FDFT1: variants seen among roughly 807,000 people sequenced by gnomAD.
FDFT1 encodes the protein squalene synthase.
FDFT1 carries 68 observed loss-of-function variants against 46.8 expected under a neutral mutation model. That is an observed-to-expected ratio of 1.45 (90% CI 1.19 to 1.78). The LOEUF (loss-of-function observed/expected upper bound fraction) is 1.78, where lower values mean the gene tolerates loss of function less well. Ranked by LOEUF, FDFT1 falls within the 40% of genes most tolerant of loss-of-function variation. The pLI, the probability that FDFT1 is intolerant of heterozygous loss-of-function variation, is 0.00. For missense variants in FDFT1, 928 were observed against 524.4 expected (o/e 1.77, Z -7.52); for synonymous variants, 351 against 185.1 (o/e 1.90, Z -7.28).
chr8:11,829,966 C>A (rs866130168), intron 5 of FDFT1, among the ~76,000 whole-genome samples: 1 of 151,914 alleles, frequency 6.6e-6, no homozygotes, highest in South Asian at 2.1e-4. Context: ...TTCTGTCTCA[C>A]CCTCCTGAGT....
chr8:11,838,634 TCCA>T lies in FDFT1; in HGVS notation c.*29_*31del. The T allele has an allele frequency of 6.5e-7, 1 of 1,549,400 alleles. No homozygotes were observed. The highest frequency in any genetic ancestry group is 1.1e-5 in the South Asian group (1 of 89,760). Reference sequence around the variant, plus strand: ...ATCCCAAATTTGTCCATAGCTGAAGTCCACCATAAAGTGGATTTACTTTTTTTC... The same window carrying T: ...ATCCCAAATTTGTCCATAGCTGAAGTCCATAAAGTGGATTTACTTTTTTTC... On this transcript the variant is annotated 3_prime_UTR_variant, in exon 8 of 8. Coordinates refer to ENST00000220584, the MANE Select transcript of FDFT1 (RefSeq NM_004462.5).
intron 3 of FDFT1, among the ~76,000 whole-genome samples, chr8:11,810,844 T>C (rs946680847): frequency 1.3e-5 from 2 of 149,510 alleles, no homozygotes; most frequent in Non-Finnish European, 3.0e-5. Context: ...ACCTAATCTG[T>C]AGCTGAGTTG....
intron 1 of FDFT1, among the ~76,000 whole-genome samples, chr8:11,804,919 T>TC (rs1806629376): frequency 2.5e-5 from 2 of 79,606 alleles, no homozygotes; most frequent in Non-Finnish European, 6.0e-5. Flanking sequence ...TTTTTTTTTT[T>TC]TTTTTTGAGG....
At chr8:11,808,746 TCC>T (rs1807265460) in intron 1 of FDFT1, 46 bp from the exon 2 acceptor site, 35 of 1,594,638 alleles carry the variant, frequency 2.2e-5, no homozygotes, top group Non-Finnish European at 2.7e-5. Context: ...CCACTCCCAC[TCC>T]TGCTCCTCGA....
chr8:11,820,952 A>T (rs1809153034), intron 3 of FDFT1, among the ~76,000 whole-genome samples: 1 of 152,174 alleles, frequency 6.6e-6, no homozygotes, highest in Non-Finnish European at 1.5e-5. Flanking sequence ...TTCTGCATCG[A>T]TCTTGCTGGG....
chr8:11,817,820 T>G (rs1808669917), intron 3 of FDFT1, among the ~76,000 whole-genome samples: 1 of 116,066 alleles, frequency 8.6e-6, no homozygotes, highest in African/African-American at 4.0e-5. Flanking sequence ...CTGGATTCAT[T>G]AATTTTTTTT....
At chr8:11,832,576 A>AAAAAAAAAAAAAAAAAAAT (rs139242873) in intron 7 of FDFT1, among the ~76,000 whole-genome samples, 45 of 134,888 alleles carry the variant, frequency 3.3e-4, no homozygotes, top group Non-Finnish European at 4.6e-4. Flanking sequence ...AAAAAAAAAA[A>AAAAAAAAAAAAAAAAAAAT]GTCTTAGAGA....
chr8:11,812,854 T>A (rs1585897874), intron 3 of FDFT1, among the ~76,000 whole-genome samples: 1 of 152,232 alleles, frequency 6.6e-6, no homozygotes, highest in Non-Finnish European at 1.5e-5. Context: ...TCTAGAAATC[T>A]CATTGTATGT....
chr8:11,831,571 A>C lies in FDFT1; in HGVS notation c.933A>C (p.Lys311Asn). Residue 311 changes from lysine (K) to asparagine (N), a missense_variant, in exon 7 of 8, where the codon AAA becomes AAC. Physicochemically the swap from Lys to Asn is moderately conservative, Grantham distance 94. Transcript: ENST00000220584. ...GTTATAATAACCAGCAGGTGTTCAA[A>C]GGGGCAGTGAAGATTCGGAAAGGGC... ...AACYNNQQVF[K>N]GAVKIRKGQA... 3.7e-6 allele frequency: 6 copies of C among 1,614,184 alleles called. No homozygotes were observed. The highest frequency in any genetic ancestry group is 5.1e-6 in the Non-Finnish European group (6 of 1,179,966).
intron 3 of FDFT1, among the ~76,000 whole-genome samples, chr8:11,814,302 T>G (rs1421075608): frequency 1.4e-5 from 2 of 144,742 alleles, no homozygotes; most frequent in East Asian, 1.9e-4. Context: ...TTTTATAGGT[T>G]TTTTTTTTTT....
chr8:11,808,794 G>T lies in FDFT1; in HGVS notation c.100G>T (p.Asp34Tyr), dbSNP rs1388946948. The part of the protein sequence containing the change: ...KRKVMPKMDQ[D>Y]SLSSSLKTCY... ...CGCCGTGTGTGTTGTCTGCCCGCAG[G>T]ACTCGCTCAGCAGCAGCCTGAAAAC... The change falls in exon 2 of 8, where the codon GAC (aspartate) becomes TAC (tyrosine). Residue 34 changes from aspartate (D) to tyrosine (Y), a missense_variant and splice_region_variant. Transcript: ENST00000220584. 6.2e-7 allele frequency: 1 copy of T among 1,612,950 alleles called. No homozygotes were observed. Among genetic ancestry groups the T allele is most frequent in the South Asian group, 1.1e-5 (1 of 90,532 alleles).
At chr8:11,822,968 T>C (rs1563324612) in intron 4 of FDFT1, among the ~76,000 whole-genome samples, 1 of 152,188 alleles carries the variant, frequency 6.6e-6, no homozygotes, top group Non-Finnish European at 1.5e-5. Flanking sequence ...TAAAAAAAAT[T>C]TTTTTTGAGA....
intron 5 of FDFT1, among the ~76,000 whole-genome samples, chr8:11,828,106 G>A (rs1360298246): frequency 1.3e-5 from 2 of 151,828 alleles, no homozygotes; most frequent in African/African-American, 4.8e-5. Context: ...GGAGGCTGAT[G>A]TGAGACTCCA....
intron 3 of FDFT1, among the ~76,000 whole-genome samples, chr8:11,815,302 C>G (rs1462084630): frequency 2.6e-5 from 4 of 152,118 alleles, no homozygotes; most frequent in African/African-American, 9.7e-5. Context: ...CAGGTCTTTG[C>G]TATTGTGAAT....
At chr8:11,797,271 C>T (rs998802512), upstream of FDFT1, among the ~76,000 whole-genome samples, 11 of 152,114 alleles carry the variant, frequency 7.2e-5, no homozygotes, top group Admixed American at 3.3e-4. Context: ...CCTGCAGCAG[C>T]GGTTGTTTAA....
rs368746697 is a variant in FDFT1, at chr8:11,826,021, C to T, written c.511-3C>T. On this transcript the variant is annotated splice_region_variant and splice_polypyrimidine_tract_variant and intron_variant, in intron 4 of 7. Coordinates refer to ENST00000220584, the MANE Select transcript of FDFT1 (RefSeq NM_004462.5). ...AAAGTGCTTTAAAAATCGTCTCTTA[C>T]AGTACTGCCACTATGTTGCTGGGCT... The T allele has an allele frequency of 5.8e-6, 9 of 1,548,102 alleles. No homozygotes were observed. The highest frequency in any genetic ancestry group is 1.2e-5 in the South Asian group (1 of 83,400).
intron 1 of FDFT1, among the ~76,000 whole-genome samples, chr8:11,806,030 T>C (rs945958572): frequency 3.3e-5 from 5 of 152,154 alleles, no homozygotes; most frequent in African/African-American, 7.2e-5. Context: ...GTGGTTTTTT[T>C]CCCCTCCTGG....
At chr8:11,825,971 C>T (rs1809914461) in intron 4 of FDFT1, 53 bp from the exon 5 acceptor site, 1 of 1,311,678 alleles carries the variant, frequency 7.6e-7, no homozygotes, top group South Asian at 1.6e-5. Flanking sequence ...TCTAGTGTGT[C>T]CATTTCAGTA....
chr8:11,825,323 G>T (rs958824852), intron 4 of FDFT1, among the ~76,000 whole-genome samples: 1 of 151,986 alleles, frequency 6.6e-6, no homozygotes, highest in South Asian at 2.1e-4. Flanking sequence ...TGGCAGATCA[G>T]TTGAGGTCAG....
Sources: allele counts gnomAD v4.1 joint callset (sites outside exome capture counted in the v4.1 genomes callset), GRCh38; gene constraint gnomAD v4.1.1; transcripts MANE v1.5; gene names NCBI Gene and HGNC (gene_info 2026-07-23, HGNC 2026-07-21).